CSMD3: variants seen among roughly 807,000 people sequenced by gnomAD.
CSMD3 encodes the protein CUB and sushi domain-containing protein 3.
Under a neutral mutation model 435.2 loss-of-function variants are expected in CSMD3, and 177 were observed. The ratio of observed to expected loss-of-function variants is 0.41; its 90% CI spans 0.36 to 0.46. The LOEUF is 0.46. Among genes scored for constraint, CSMD3 ranks in the 20% least tolerant of loss-of-function variants. The pLI is 0.34. For synonymous variants in CSMD3, 1,656 were observed against 1,520.5 expected (o/e 1.09, Z -2.07); for missense variants, 4,265 against 4,504.6 (o/e 0.95, Z 1.52).
chr8:113,375,637 C>G (rs1670319005), intron 1 of CSMD3, among the ~76,000 whole-genome samples: 1 of 151,882 alleles, frequency 6.6e-6, no homozygotes, highest in Non-Finnish European at 1.5e-5. Flanking sequence ...TAAGAGGGAC[C>G]GTTGAAAAAT....
At chr8:112,503,703 A>G (rs895268612) in intron 30 of CSMD3, 87 bp downstream of exon 30, 37 of 885,200 alleles carry the variant, frequency 4.2e-5, no homozygotes, top group Non-Finnish European at 5.5e-5. Context: ...AAAACTAACC[A>G]CTAACAATGG....
chr8:113,426,944 T>G (rs1028897240), intron 1 of CSMD3, among the ~76,000 whole-genome samples: 6 of 151,524 alleles, frequency 4.0e-5, no homozygotes, highest in African/African-American at 1.4e-4. Flanking sequence ...ATATCAAAAC[T>G]ATTTAAAATA....
chr8:113,321,379 T>C (rs2093948368), intron 1 of CSMD3, among the ~76,000 whole-genome samples: 1 of 152,122 alleles, frequency 6.6e-6, no homozygotes, highest in Non-Finnish European at 1.5e-5. Flanking sequence ...GAATAGTTCT[T>C]TGAAGTTTAC....
At chr8:113,366,858 T>G (rs910956738) in intron 1 of CSMD3, among the ~76,000 whole-genome samples, 1 of 152,082 alleles carries the variant, frequency 6.6e-6, no homozygotes, top group Non-Finnish European at 1.5e-5. Flanking sequence ...GCACAATGAT[T>G]ATACAAGACA....
chr8:112,622,712 C>T (rs1005215584), intron 22 of CSMD3, among the ~76,000 whole-genome samples: 1 of 152,074 alleles, frequency 6.6e-6, no homozygotes, highest in Non-Finnish European at 1.5e-5. Flanking sequence ...ATCTGGCACA[C>T]GTAGCTATTT....
chr8:112,636,834 G>C lies in CSMD3; in HGVS notation c.3698C>G (p.Pro1233Arg). The C allele has an allele frequency of 6.2e-7, 1 of 1,613,204 alleles. No homozygotes were observed. Among genetic ancestry groups the C allele is most frequent in the Admixed American group, 1.7e-5 (1 of 59,890 alleles). ...LGGGRRVWSA[P>R]LPRCVAECGA... Reference sequence around the variant, plus strand: ...CCACGTACCCACACACCTTGGCAGAGGTGCACTCCACACTCGTCGGCCACC... The same window carrying C: ...CCACGTACCCACACACCTTGGCAGACGTGCACTCCACACTCGTCGGCCACC... Residue 1233 changes from proline (P) to arginine (R), a missense_variant, in exon 22 of 71, where the codon CCT (proline) becomes CGT (arginine). Pro to Arg is a moderately radical substitution (Grantham distance 103). This residue lies in a region of CSMD3 where 3,255 missense variants were observed against 3,380.2 expected (regional missense o/e 0.96). Coordinates refer to ENST00000297405, the MANE Select transcript of CSMD3 (RefSeq NM_198123.2).
chr8:112,292,510 C>T (rs1204249748), intron 55 of CSMD3, 27 bp downstream of exon 55: 1 of 1,609,320 alleles, frequency 6.2e-7, no homozygotes, highest in African/African-American at 1.3e-5. Flanking sequence ...ATCATGCCAC[C>T]AAATGGGAAT....
At chr8:113,397,681 C>T (rs940963618) in intron 1 of CSMD3, among the ~76,000 whole-genome samples, 2 of 151,572 alleles carry the variant, frequency 1.3e-5, no homozygotes, top group African/African-American at 2.4e-5. Context: ...AGCCGGACAT[C>T]GTGGCGGGCT....
At chr8:112,776,380 G>A (rs553300100) in intron 13 of CSMD3, among the ~76,000 whole-genome samples, 47 of 151,330 alleles carry the variant, frequency 3.1e-4, no homozygotes, top group African/African-American at 9.7e-4. Context: ...TTTTTCTTAC[G>A]AAAATACATC....
chr8:112,880,504 A>C (rs1232463183), intron 10 of CSMD3, among the ~76,000 whole-genome samples: 2 of 152,070 alleles, frequency 1.3e-5, no homozygotes, highest in Non-Finnish European at 2.9e-5. Flanking sequence ...CTGAATCTCG[A>C]AAAGTCAGGA....
At chr8:112,652,854 G>T (rs2075161893) in intron 18 of CSMD3, among the ~76,000 whole-genome samples, 1 of 151,994 alleles carries the variant, frequency 6.6e-6, no homozygotes, top group South Asian at 2.1e-4. Context: ...CATCCTACAG[G>T]CTGGAATGCA....
chr8:112,296,576 A>T (rs1563753222), intron 53 of CSMD3, among the ~76,000 whole-genome samples: 2 of 151,784 alleles, frequency 1.3e-5, no homozygotes, highest in Admixed American at 6.6e-5. Context: ...AATAAATAAA[A>T]GAAAGAAAAT....
intron 32 of CSMD3, among the ~76,000 whole-genome samples, chr8:112,426,515 C>T (rs982336169): frequency 6.6e-6 from 1 of 152,112 alleles, no homozygotes; most frequent in Admixed American, 6.6e-5. Flanking sequence ...AGAGCATCTC[C>T]TAATTGTGAT....
At chr8:113,191,052 G>A (rs1186127562) in intron 3 of CSMD3, among the ~76,000 whole-genome samples, 1 of 151,568 alleles carries the variant, frequency 6.6e-6, no homozygotes, top group Non-Finnish European at 1.5e-5. Flanking sequence ...AAGTGTTCTT[G>A]ATATTAGATT....
At chr8:113,296,284 C>G (rs1479934886) in intron 2 of CSMD3, among the ~76,000 whole-genome samples, 2 of 83,612 alleles carry the variant, frequency 2.4e-5, no homozygotes, top group African/African-American at 7.4e-5. Flanking sequence ...TACCCTAGAA[C>G]TTAAAGTATA....
At chr8:112,880,566 A>G (rs2081417970) in intron 10 of CSMD3, among the ~76,000 whole-genome samples, 1 of 152,080 alleles carries the variant, frequency 6.6e-6, no homozygotes, top group African/African-American at 2.4e-5. Flanking sequence ...AGGGGGAAAG[A>G]CACACTAAAC....
intron 12 of CSMD3, among the ~76,000 whole-genome samples, chr8:112,807,258 G>A (rs1393930228): frequency 6.6e-6 from 1 of 152,142 alleles, no homozygotes; most frequent in Non-Finnish European, 1.5e-5. Context: ...AATCTGCTGG[G>A]CCTCATGTTA....
chr8:112,273,725 C>CAA (rs371418820), intron 59 of CSMD3, among the ~76,000 whole-genome samples: 3,702 of 111,786 alleles, frequency 0.033, 152 homozygotes, highest in African/African-American at 0.077. Flanking sequence ...GACTCTGTCT[C>CAA]AAAAAAAAAA....
At chr8:112,936,847 C>T (rs966177340) in intron 9 of CSMD3, among the ~76,000 whole-genome samples, 2 of 151,950 alleles carry the variant, frequency 1.3e-5, no homozygotes, top group Non-Finnish European at 2.9e-5. Context: ...TTCCTAAATA[C>T]GTCAATATAT....
Sources: gnomAD v4.1 joint callset for allele counts (sites outside exome capture counted in the v4.1 genomes callset) on GRCh38, gnomAD v4.1.1 for gene constraint, gnomAD v4.1.1 regional missense constraint, MANE v1.5 for transcripts, NCBI Gene and HGNC (gene_info 2026-07-23, HGNC 2026-07-21) for gene names.